The following CPNE3 variants were observed in gnomAD, a reference collection of about 807,000 sequenced individuals.
CPNE3 encodes the protein copine-3.
In CPNE3, 68 loss-of-function variants were observed where a neutral mutation model predicts 63.9. That is an observed-to-expected ratio of 1.06 (90% CI 0.87 to 1.30). The LOEUF (loss-of-function observed/expected upper bound fraction) is 1.30. CPNE3 is among the 50% of genes most tolerant of loss of function. CPNE3 has a pLI of 0.00. For synonymous variants in CPNE3, 219 were observed against 197.5 expected (o/e 1.11, Z -0.91); for missense variants, 665 against 578.1 (o/e 1.15, Z -1.54).
Position 86,559,950 on chromosome 8 carries a change from A to G in CPNE3, c.*1540A>G, listed in dbSNP as rs908864006. ...CAAGGGAGTGAGCTCTCAACCACAG[A>G]TAGCTGTGGCTTCTCAGAAGCAGCT... On this transcript the variant is annotated 3_prime_UTR_variant, in exon 17 of 17. Transcript: ENST00000517490. 2.0e-5 allele frequency: 3 copies of G among 152,204 alleles called. No homozygotes were observed. Among genetic ancestry groups the G allele is most frequent in the Non-Finnish European group, 2.9e-5 (2 of 68,044 alleles). The allele number at this position is 152,204 out of a possible 1,614,324, so 9.4% of individuals were successfully genotyped here.
intron 3 of CPNE3, 88 bp from the exon 4 acceptor site, chr8:86,528,857 C>T (rs535870694): frequency 1.5e-6 from 2 of 1,335,790 alleles, no homozygotes; most frequent in East Asian, 2.3e-5. Context: ...GTTGTCATGC[C>T]TATGTTTATG....
rs1169844283 is a variant in CPNE3, at chr8:86,546,584, T to A, written c.733-11T>A. ...AATAAAAAGTAACATTTTTGTCTTC[T>A]CTTCCTACAGGTTGAATTTGAATGC... On this transcript the variant is annotated splice_polypyrimidine_tract_variant and intron_variant, in intron 9 of 16. Transcript: ENST00000517490. 2 of 1,607,016 alleles carry A rather than the reference T, an allele frequency of 1.2e-6. No homozygotes were observed. Among genetic ancestry groups the A allele is most frequent in the Non-Finnish European group, 1.7e-6 (2 of 1,178,228 alleles).
chr8:86,550,405 C>T (rs1406010244), intron 12 of CPNE3, among the ~76,000 whole-genome samples: 1 of 152,124 alleles, frequency 6.6e-6, no homozygotes, highest in Non-Finnish European at 1.5e-5. Flanking sequence ...TAGGCTCTAT[C>T]TTCAGTGCAA....
At chr8:86,541,537 C>G (rs562750214) in intron 8 of CPNE3, among the ~76,000 whole-genome samples, 4 of 151,966 alleles carry the variant, frequency 2.6e-5, no homozygotes, top group Admixed American at 2.6e-4. Context: ...AATACTGTCT[C>G]TACAGAAAAT....
At chr8:86,529,186 G>A in intron 4 of CPNE3, 62 bp downstream of exon 4, 3 of 1,422,992 alleles carry the variant, frequency 2.1e-6, no homozygotes, top group African/African-American at 1.4e-5. Flanking sequence ...ATTTGGTGGT[G>A]TTTTTGGTAA....
At chr8:86,534,527 G>A (rs1025871787) in intron 6 of CPNE3, among the ~76,000 whole-genome samples, 12 of 152,000 alleles carry the variant, frequency 7.9e-5, no homozygotes, top group Admixed American at 3.9e-4. Context: ...GTGGTGGTGC[G>A]TGCCAGTAGT....
intron 2 of CPNE3, among the ~76,000 whole-genome samples, chr8:86,525,175 G>T (rs1054195225): frequency 2.0e-5 from 3 of 151,982 alleles, no homozygotes; most frequent in Admixed American, 6.6e-5. Context: ...TGTTTTTGTA[G>T]AGATGAGGTC....
intron 4 of CPNE3, 48 bp downstream of exon 4, chr8:86,529,172 A>G (rs374398684): frequency 1.1e-5 from 17 of 1,504,522 alleles, no homozygotes; most frequent in South Asian, 8.7e-5. Flanking sequence ...ATTTTAATCA[A>G]TGAATTTGGT....
intron 2 of CPNE3, among the ~76,000 whole-genome samples, chr8:86,516,560 T>G (rs1030282786): frequency 6.6e-6 from 1 of 152,168 alleles, no homozygotes. Flanking sequence ...TACTTATTTA[T>G]TTATTTTATA....
At position 86,520,229 on chromosome 8, in the gene CPNE3, G is replaced by A. The variant is rs1352687982; in HGVS notation, c.-11+4730G>A. On this transcript the variant is annotated intron_variant, in intron 2 of 16. Coordinates refer to ENST00000517490, the MANE Select transcript of CPNE3 (RefSeq NM_003909.5). ...AGACCTTAAGAATTACTTAAAGAAA[G>A]GGATTGACTCAACTCTTAGGTTTAA... Among the ~76,000 whole-genome samples the A allele has an allele frequency of 2.6e-5, 4 of 152,286 alleles. No homozygotes were observed. In the East Asian group the frequency reaches 7.7e-4, roughly 29 times the overall value.
At chr8:86,537,985 TCTCA>T (rs890719599) in intron 7 of CPNE3, among the ~76,000 whole-genome samples, 9 of 142,906 alleles carry the variant, frequency 6.3e-5, no homozygotes, top group East Asian at 2.1e-4. Flanking sequence ...TCTCTCTCTC[TCTCA>T]CACACACACA....
chr8:86,525,646 T>C (rs1007594829), intron 2 of CPNE3, among the ~76,000 whole-genome samples: 3 of 152,214 alleles, frequency 2.0e-5, no homozygotes, highest in Non-Finnish European at 2.9e-5. Context: ...AAAAAAATAA[T>C]GCTCTTCTGA....
intron 4 of CPNE3, 63 bp from the exon 5 acceptor site, chr8:86,531,092 A>G (rs1228022145): frequency 1.2e-6 from 1 of 810,172 alleles, no homozygotes; most frequent in Admixed American, 1.8e-5. Flanking sequence ...TGCTGAAACT[A>G]TTTCATTTAA....
chr8:86,548,456 CT>C (rs1464625075), intron 12 of CPNE3, 22 bp downstream of exon 12: 5 of 1,613,468 alleles, frequency 3.1e-6, no homozygotes, highest in Non-Finnish European at 4.2e-6. Context: ...TTTGGAAAAA[CT>C]AAAATACATG....
At chr8:86,551,125 G>C in intron 13 of CPNE3, 25 bp downstream of exon 13, 1 of 1,613,062 alleles carries the variant, frequency 6.2e-7, no homozygotes, top group Admixed American at 1.7e-5. Flanking sequence ...CTATTTTAAA[G>C]CTTTGCCTCC....
chr8:86,550,076 A>G (rs1337811463), intron 12 of CPNE3, among the ~76,000 whole-genome samples: 2 of 152,264 alleles, frequency 1.3e-5, no homozygotes, highest in Non-Finnish European at 2.9e-5. Flanking sequence ...TTAAAGTTTT[A>G]GAAGAAAGTG....
At chr8:86,524,647 G>GT (rs1820500250) in intron 2 of CPNE3, 2 of 146,746 alleles carry the variant, frequency 1.4e-5, no homozygotes, top group South Asian at 4.4e-4. Flanking sequence ...TACTAAAAGA[G>GT]TATAAAACGT....
At chr8:86,553,849 T>A (rs1821250155) in intron 14 of CPNE3, 2 of 152,056 alleles carry the variant, frequency 1.3e-5, no homozygotes, top group African/African-American at 4.8e-5. Flanking sequence ...TCCTAAATGC[T>A]GTGATATTAA....
chr8:86,523,884 G>C (rs544630143), intron 2 of CPNE3, among the ~76,000 whole-genome samples: 1 of 152,170 alleles, frequency 6.6e-6, no homozygotes, highest in Non-Finnish European at 1.5e-5. Context: ...CACCGTGCCC[G>C]GCCTGAAGTG....
Sources: gnomAD v4.1 joint callset for allele counts (sites outside exome capture counted in the v4.1 genomes callset) on GRCh38, gnomAD v4.1.1 for gene constraint, MANE v1.5 for transcripts, NCBI Gene and HGNC (gene_info 2026-07-23, HGNC 2026-07-21) for gene names.